The following BICD1 variants were observed in gnomAD, a reference collection of about 807,000 sequenced individuals.
BICD1 encodes the protein BICD cargo adaptor 1.
In BICD1, 35 loss-of-function variants were observed where a neutral mutation model predicts 92.5. The observed-to-expected ratio is 0.38, with a 90% CI of 0.29 to 0.50. The LOEUF is 0.50. Ranked by LOEUF, BICD1 falls within the 20% of genes least tolerant of loss-of-function variation. The pLI, the probability that BICD1 is intolerant of heterozygous loss-of-function variation, is 0.93. For synonymous variants in BICD1, 429 were observed against 465.1 expected, an observed-to-expected ratio of 0.92 and a Z score of 1.00; for missense variants, 950 against 1,189.8, an observed-to-expected ratio of 0.80 and a Z score of 2.97.
intron 2 of BICD1, among the ~76,000 whole-genome samples, chr12:32,236,824 A>G (rs1026743920): frequency 4.0e-5 from 6 of 151,372 alleles, no homozygotes; most frequent in Non-Finnish European, 7.4e-5. Context: ...GTGGTTCTAG[A>G]TAGAAGATCA....
chr12:32,225,791 T>G (rs887142332), intron 2 of BICD1, among the ~76,000 whole-genome samples: 24 of 151,994 alleles, frequency 1.6e-4, no homozygotes, highest in South Asian at 1.3e-3. Flanking sequence ...CGGCTAATTT[T>G]TTGTATTTTT....
chr12:32,371,263 C>T (rs760733941), intron 9 of BICD1, among the ~76,000 whole-genome samples: 6 of 152,126 alleles, frequency 3.9e-5, no homozygotes, highest in South Asian at 2.1e-4. Context: ...TGTTCCCCAT[C>T]GTGGTCTACG....
rs1156241766 is a variant in BICD1 at position 32,380,105 on chromosome 12, G to C, written c.*2478G>C. On this transcript the variant is annotated 3_prime_UTR_variant, in exon 10 of 10. Transcript: ENST00000652176. ...AATTTTAGTGAATCTTTGCCAAGAAGTTATAGAAACTTGGAAATAAATTTC... is the reference window on the plus strand; with the variant it reads ...AATTTTAGTGAATCTTTGCCAAGAACTTATAGAAACTTGGAAATAAATTTC... 2 of 152,166 alleles carry C rather than the reference G, an allele frequency of 1.3e-5. No homozygotes were observed. Among genetic ancestry groups the C allele is most frequent in the African/African-American group, 4.8e-5 (2 of 41,424 alleles). 9.4% of individuals were successfully genotyped at this position (152,166 alleles called of 1,614,324 possible).
At position 32,327,772 on chromosome 12, in the gene BICD1, G is replaced by A. The variant is rs1948824892; in HGVS notation, c.1317G>A (p.Glu439=). The A allele has an allele frequency of 1.2e-6, 2 of 1,613,990 alleles. No homozygotes were observed. The highest frequency in any genetic ancestry group is 1.3e-5 in the African/African-American group (1 of 74,908). Residue 439 remains glutamate, a synonymous_variant, in exon 5 of 10, where the codon GAG becomes GAA. Transcript: ENST00000652176. ...AAGCTGAAATTAAGGCCTTAAAGGA[G>A]AAATATAATAAATCTGTAGAAAACT... ...DLKAEIKALK[E]KYNKSVENYT... is the part of the protein sequence containing the mutation.
chr12:32,255,960 T>G (rs1274094838), intron 2 of BICD1, among the ~76,000 whole-genome samples: 4 of 152,112 alleles, frequency 2.6e-5, no homozygotes, highest in Non-Finnish European at 5.9e-5. Flanking sequence ...TATTAATTAA[T>G]TATTATTAAT....
intron 2 of BICD1, among the ~76,000 whole-genome samples, chr12:32,229,111 C>T (rs894906030): frequency 3.3e-5 from 5 of 152,106 alleles, no homozygotes; most frequent in East Asian, 1.9e-4. Flanking sequence ...ATTAGCCGGG[C>T]GTGGTGGTGC....
At chr12:32,198,973 C>G (rs1372512327) in intron 1 of BICD1, among the ~76,000 whole-genome samples, 1 of 151,964 alleles carries the variant, frequency 6.6e-6, no homozygotes, top group Non-Finnish European at 1.5e-5. Context: ...TTCCATTTTC[C>G]TCTGTTAATA....
Position 32,107,135 on chromosome 12 carries a change from C to G in BICD1, c.-197C>G. ...ACCCTCTGCCCTGTTCTCCATGTTG[C>G]ATTTCTCGTCAGTTTCTCGGGCGGT... On this transcript the variant is annotated 5_prime_UTR_variant, in exon 1 of 10. Transcript: ENST00000652176. The G allele has an allele frequency of 1.6e-6, 1 of 607,982 alleles. No homozygotes were observed. 37.7% of individuals were successfully genotyped at this position (607,982 alleles called of 1,614,324 possible).
chr12:32,155,491 T>C lies in BICD1; in HGVS notation c.213+47947T>C, dbSNP rs575488784. Among the ~76,000 whole-genome samples the C allele has an allele frequency of 6.6e-5, 10 of 152,352 alleles. No homozygotes were observed. The East Asian group carries it at 1.7e-3, about 26-fold the overall frequency. ...CTTTTAGGTTTCTCACAGATTAAAG[T>C]ACAGCCGTCTTCCTTGAAGTAAGAA... is the stretch of plus-strand genomic sequence containing the variant. On this transcript the variant is annotated intron_variant, in intron 1 of 9. Coordinates refer to ENST00000652176, the MANE Select transcript of BICD1 (RefSeq NM_001714.4).
At chr12:32,140,452 A>C (rs1190307235) in intron 1 of BICD1, among the ~76,000 whole-genome samples, 1 of 152,190 alleles carries the variant, frequency 6.6e-6, no homozygotes, top group African/African-American at 2.4e-5. Flanking sequence ...AAATGTCAAG[A>C]ATACAACATC....
chr12:32,125,421 C>T (rs1942294499), intron 1 of BICD1, among the ~76,000 whole-genome samples: 1 of 152,178 alleles, frequency 6.6e-6, no homozygotes, highest in Non-Finnish European at 1.5e-5. Context: ...TTTTCTTTCT[C>T]CTCTGGGAAG....
chr12:32,315,688 A>T (rs2249544), intron 4 of BICD1, among the ~76,000 whole-genome samples: 128,559 of 151,902 alleles, frequency 0.85, 54,568 homozygotes, highest in Non-Finnish European at 0.88. Context: ...TGACTTGTGA[A>T]TGTTCGTCTA....
intron 1 of BICD1, among the ~76,000 whole-genome samples, chr12:32,179,806 C>G (rs1023861986): frequency 6.6e-6 from 1 of 151,578 alleles, no homozygotes; most frequent in African/African-American, 2.4e-5. Flanking sequence ...ACCTGGCCAG[C>G]ATGGTGAAGC....
chr12:32,241,661 G>C (rs975083049), intron 2 of BICD1, among the ~76,000 whole-genome samples: 1 of 152,192 alleles, frequency 6.6e-6, no homozygotes, highest in African/African-American at 2.4e-5. Context: ...GTAGAGGTCA[G>C]AGCTATGAAG....
intron 8 of BICD1, among the ~76,000 whole-genome samples, chr12:32,363,970 A>G (rs954064285): frequency 2.0e-5 from 3 of 151,620 alleles, no homozygotes; most frequent in African/African-American, 7.3e-5. Flanking sequence ...GACATCGTAA[A>G]CAATAAATAA....
At chr12:32,338,212 A>G in intron 7 of BICD1, 1 of 199,388 alleles carries the variant, frequency 5.0e-6, no homozygotes, top group Non-Finnish European at 1.0e-5. Context: ...ACCTTTGGAA[A>G]TGGTGCTGTT....
intron 8 of BICD1, among the ~76,000 whole-genome samples, chr12:32,346,534 GTGTATATATATATATATATATATATA>G (rs1938576151): frequency 4.4e-5 from 1 of 22,676 alleles, no homozygotes; most frequent in African/African-American, 1.1e-4. Flanking sequence ...ATATATATAC[GTGTATATATATATATATATATATATA>G]TATATATATA....
chr12:32,126,126 C>A (rs577749209), intron 1 of BICD1, among the ~76,000 whole-genome samples: 4 of 150,604 alleles, frequency 2.7e-5, no homozygotes, highest in Non-Finnish European at 5.9e-5. Context: ...AGTATTGGTT[C>A]AATACTGAGC....
At chr12:32,228,828 G>A (rs1434967460) in intron 2 of BICD1, among the ~76,000 whole-genome samples, 1 of 152,142 alleles carries the variant, frequency 6.6e-6, no homozygotes, top group Non-Finnish European at 1.5e-5. Context: ...TAGGAAGGAA[G>A]GTCAGAAGTT....
Sources: gnomAD v4.1 joint callset for allele counts (sites outside exome capture counted in the v4.1 genomes callset) on GRCh38, gnomAD v4.1.1 for gene constraint, MANE v1.5 for transcripts, NCBI Gene and HGNC (gene_info 2026-07-23, HGNC 2026-07-21) for gene names.